Variants in SLC25A48 observed in about 807,000 individuals in gnomAD.
The protein encoded by SLC25A48 is CTC-321K16.1.
A neutral mutation model predicts 32.2 loss-of-function variants in SLC25A48; 29 were observed. The observed-to-expected ratio is 0.90, with a 90% CI of 0.67 to 1.23. The LOEUF (loss-of-function observed/expected upper bound fraction) is 1.23. SLC25A48 is among the 50% of genes most tolerant of loss of function. The pLI is 0.00. For missense variants in SLC25A48, 399 were observed against 422.7 expected, an observed-to-expected ratio of 0.94 and a Z score of 0.49; for synonymous variants, 164 against 172.3, an observed-to-expected ratio of 0.95 and a Z score of 0.38.
At chr5:135,665,405 C>T (rs1041560524) in intron 3 of SLC25A48, among the ~76,000 whole-genome samples, 1 of 152,000 alleles carries the variant, frequency 6.6e-6, no homozygotes, top group Non-Finnish European at 1.5e-5. Context: ...ATTTCTTTTG[C>T]TGTACAAAAG....
At chr5:135,693,350 T>C (rs1754188230) in intron 3 of SLC25A48, among the ~76,000 whole-genome samples, 1 of 152,204 alleles carries the variant, frequency 6.6e-6, no homozygotes. Context: ...CTGAGTAGGC[T>C]GAGCAGTTCT....
At chr5:135,843,253 A>T (rs1194051087) in intron 2 of SLC25A48, among the ~76,000 whole-genome samples, 1 of 152,150 alleles carries the variant, frequency 6.6e-6, no homozygotes, top group African/African-American at 2.4e-5. Flanking sequence ...GGGCACACAA[A>T]GTGGTGAGTG....
At chr5:135,882,896 C>T (rs17169306) in intron 7 of SLC25A48, among the ~76,000 whole-genome samples, 15,075 of 152,232 alleles carry the variant, frequency 0.099, 826 homozygotes, top group Non-Finnish European at 0.11. Context: ...GATACCTTTG[C>T]TGAACATTTT....
chr5:135,594,374 C>T lies in SLC25A48; in HGVS notation c.-849+14777C>T, dbSNP rs543475301. ...CCCCAAGTCCCATTACAACCTAGAACACAGTAAGACACTGCGTGATGTGGT... is the reference window on the plus strand; with the variant it reads ...CCCCAAGTCCCATTACAACCTAGAATACAGTAAGACACTGCGTGATGTGGT... On this transcript the variant is annotated intron_variant, in intron 1 of 10. Transcript: ENST00000646290. Among the ~76,000 whole-genome samples the T allele has an allele frequency of 3.3e-5, 5 of 152,318 alleles. No individual in the cohort carries two copies. The East Asian group carries it at 9.6e-4, about 29-fold the overall frequency.
intron 7 of SLC25A48, 63 bp downstream of exon 7, chr5:135,880,160 T>TA: frequency 2.0e-6 from 3 of 1,475,454 alleles, no homozygotes; most frequent in African/African-American, 1.4e-5. Flanking sequence ...TTTTTTTTTT[T>TA]ATCATGAGAA....
At chr5:135,693,939 C>G (rs1219007679) in intron 3 of SLC25A48, among the ~76,000 whole-genome samples, 3 of 147,668 alleles carry the variant, frequency 2.0e-5, no homozygotes, top group African/African-American at 7.5e-5. Flanking sequence ...TTTCTGGGGT[C>G]AGCAGAATGA....
chr5:135,672,921 G>C (rs1753688562), intron 3 of SLC25A48, among the ~76,000 whole-genome samples: 1 of 151,968 alleles, frequency 6.6e-6, no homozygotes, highest in Non-Finnish European at 1.5e-5. Flanking sequence ...ACAGTGATTT[G>C]GTTTCTGTCA....
intron 3 of SLC25A48, among the ~76,000 whole-genome samples, chr5:135,637,423 A>G (rs573495790): frequency 3.9e-5 from 6 of 152,300 alleles, no homozygotes; most frequent in South Asian, 4.2e-4. Context: ...AAGGAACACA[A>G]AAAAGAGAAA....
In SLC25A48 at chr5:135,874,104, A is replaced by T; in HGVS notation, c.763A>T (p.Lys255Ter). The T allele has an allele frequency of 6.6e-7, 1 of 1,520,456 alleles. No individual in the cohort carries two copies. The highest frequency in any genetic ancestry group is 1.2e-5 in the South Asian group (1 of 80,926). The allele number at this position is 1,520,456 out of a possible 1,614,324, so 94.2% of individuals were successfully genotyped here. The change falls in exon 6 of 8, where the codon AAA becomes TAA. Residue 255 changes from lysine (K) to a stop codon, truncating the protein, a stop_gained. Transcript: ENST00000681962. LOFTEE classifies it high-confidence loss of function. ...QADGVYLNKY[K>*]GVLDCISQSY... ...TGATGGGGTTTATTTAAACAAATAT[A>T]AAGGTGTCCTGGACTGTATCTCCCA...
chr5:135,765,109 A>G (rs34468050), intron 3 of SLC25A48, among the ~76,000 whole-genome samples: 46,640 of 151,524 alleles, frequency 0.31, 7,362 homozygotes, highest in East Asian at 0.46. Context: ...ACAGAGGGGC[A>G]TACACCCCTT....
intron 1 of SLC25A48, among the ~76,000 whole-genome samples, chr5:135,628,463 G>A (rs1391578700): frequency 6.6e-6 from 1 of 152,158 alleles, no homozygotes; most frequent in African/African-American, 2.4e-5. Flanking sequence ...CATGGAGAGG[G>A]GAAAAGGTAA....
At chr5:135,842,286 A>T in intron 1 of SLC25A48, 130 bp from the exon 2 acceptor site, 9 of 884,648 alleles carry the variant, frequency 1.0e-5, no homozygotes, top group South Asian at 8.8e-5. Context: ...AGCACATTGG[A>T]GCCCACCCAC....
chr5:135,743,894 G>T (rs977238522), intron 3 of SLC25A48, among the ~76,000 whole-genome samples: 1 of 152,196 alleles, frequency 6.6e-6, no homozygotes, highest in African/African-American at 2.4e-5. Flanking sequence ...CTTTAGGACT[G>T]TAACCTCAGT....
intron 6 of SLC25A48, among the ~76,000 whole-genome samples, chr5:135,878,101 C>G (rs1263185554): frequency 1.3e-5 from 2 of 152,184 alleles, no homozygotes; most frequent in African/African-American, 4.8e-5. Flanking sequence ...AGGTCATATG[C>G]TCTGAAAGCT....
At chr5:135,729,514 C>T (rs1309495577) in intron 3 of SLC25A48, among the ~76,000 whole-genome samples, 1 of 152,066 alleles carries the variant, frequency 6.6e-6, no homozygotes, top group Non-Finnish European at 1.5e-5. Context: ...ATTTTTAAAC[C>T]AAGGGTCATC....
chr5:135,757,586 T>C (rs7381158), intron 3 of SLC25A48, among the ~76,000 whole-genome samples: 60,327 of 149,184 alleles, frequency 0.4, 14,042 homozygotes, highest in Non-Finnish European at 0.52. Flanking sequence ...GTGTTATTAC[T>C]ATATTAATAA....
intron 4 of SLC25A48, among the ~76,000 whole-genome samples, chr5:135,828,458 T>C (rs1480434961): frequency 6.6e-6 from 1 of 152,148 alleles, no homozygotes; most frequent in Non-Finnish European, 1.5e-5. Context: ...GTGCAGTGGA[T>C]TAAATGACCC....
At chr5:135,632,630 TG>T (rs1169169799) in intron 2 of SLC25A48, among the ~76,000 whole-genome samples, 2 of 152,204 alleles carry the variant, frequency 1.3e-5, no homozygotes, top group African/African-American at 4.8e-5. Flanking sequence ...GAGAGGAGCC[TG>T]GGCAGAACAG....
At chr5:135,764,356 A>C (rs1756147196) in intron 3 of SLC25A48, among the ~76,000 whole-genome samples, 1 of 150,772 alleles carries the variant, frequency 6.6e-6, no homozygotes, top group Admixed American at 6.6e-5. Context: ...TATCCAGGGC[A>C]GGATAGGGTC....
Sources: gnomAD v4.1 joint callset for allele counts (sites outside exome capture counted in the v4.1 genomes callset) on GRCh38, gnomAD v4.1.1 for gene constraint, MANE v1.5 for transcripts, NCBI Gene and HGNC (gene_info 2026-07-23, HGNC 2026-07-21) for gene names.